The following CSTF3 variants were observed in gnomAD, a reference collection of about 807,000 sequenced individuals.
The protein encoded by CSTF3 is CF-1 77 kDa subunit.
A neutral mutation model predicts 105.8 loss-of-function variants in CSTF3; 29 were observed. That is an observed-to-expected ratio of 0.27 (90% CI 0.20 to 0.37). CSTF3 has a LOEUF of 0.37. Among genes scored for constraint, CSTF3 ranks in the 10% least tolerant of loss-of-function variants. The probability of loss-of-function intolerance (pLI) is 1.00; values close to 1 mark genes in which losing one functional copy is unlikely to be tolerated. For synonymous variants in CSTF3, 252 were observed against 281.9 expected (o/e 0.89, Z 1.06); for missense variants, 357 against 879.3 (o/e 0.41, Z 7.51).
At chr11:33,161,273 G>C in intron 1 of CSTF3, 26 bp downstream of exon 1, 1 of 1,612,656 alleles carries the variant, frequency 6.2e-7, no homozygotes, top group South Asian at 1.1e-5. Flanking sequence ...AGGTCGCCAC[G>C]AGGCCCCACC....
chr11:33,090,708 G>A lies in CSTF3; in HGVS notation c.1465C>T (p.Leu489=), dbSNP rs1855160541. 5.2e-6 allele frequency: 8 copies of A among 1,544,758 alleles called. No individual in the cohort carries two copies. The highest frequency in any genetic ancestry group is 7.0e-6 in the Non-Finnish European group (8 of 1,148,852). ...TCACCAATATTACTTTCAAATGCTA[G>A]AAATCGGGCCCAGATTTCTCTGCAA... ...EKSGEIWARF[L]AFESNIGDLA... is the part of the protein sequence containing the mutation. The change falls in exon 17 of 21, where the codon CTA becomes TTA. Residue 489 remains leucine (L), a synonymous_variant. Transcript: ENST00000323959.
chr11:33,134,079 C>A (rs564049447), intron 3 of CSTF3, among the ~76,000 whole-genome samples: 1 of 151,820 alleles, frequency 6.6e-6, no homozygotes, highest in African/African-American at 2.4e-5. Context: ...TCCTATAGTT[C>A]GGAAAAAAAA....
At chr11:33,113,533 A>G (rs1384375805) in intron 3 of CSTF3, among the ~76,000 whole-genome samples, 1 of 152,152 alleles carries the variant, frequency 6.6e-6, no homozygotes, top group Non-Finnish European at 1.5e-5. Flanking sequence ...CAAACAAACA[A>G]AAAACAAATA....
chr11:33,135,112 T>C (rs375095349), intron 3 of CSTF3, among the ~76,000 whole-genome samples: 2 of 152,196 alleles, frequency 1.3e-5, no homozygotes, highest in East Asian at 1.9e-4. Context: ...TTGGCACTCA[T>C]GTGACTGTCT....
rs556142822 is a variant in CSTF3 at position 33,135,471 on chromosome 11, T to A, written c.225+6196A>T. ...TACCATATGTCCATCCTCTAGAGAT[T>A]GAGTCAGCAGTGCTGGTATGCTAAC... On this transcript the variant is annotated intron_variant, in intron 3 of 20. Transcript: ENST00000323959. 1.2e-4 allele frequency among the ~76,000 whole-genome samples: 18 copies of A among 152,274 alleles called. No individual in the cohort carries two copies. The East Asian group carries it at 2.5e-3, about 21-fold the overall frequency.
chr11:33,131,025 G>C (rs912223750), intron 3 of CSTF3, among the ~76,000 whole-genome samples: 21 of 152,094 alleles, frequency 1.4e-4, no homozygotes, highest in African/African-American at 4.3e-4. Flanking sequence ...GTGAGACCCT[G>C]TCTCAAAAAG....
intron 10 of CSTF3, 125 bp downstream of exon 10, chr11:33,102,052 G>C: frequency 1.5e-6 from 1 of 656,350 alleles, no homozygotes. Context: ...AGATCTATAG[G>C]AATTATTGAA....
intron 8 of CSTF3, among the ~76,000 whole-genome samples, chr11:33,104,226 A>G (rs1855306070): frequency 6.6e-6 from 1 of 152,220 alleles, no homozygotes; most frequent in South Asian, 2.1e-4. Flanking sequence ...GAGTACTCCA[A>G]GGATTCTAAG....
chr11:33,130,605 C>A (rs1358458072), intron 3 of CSTF3, among the ~76,000 whole-genome samples: 2 of 152,160 alleles, frequency 1.3e-5, no homozygotes, highest in African/African-American at 4.8e-5. Flanking sequence ...AAGGCTAATA[C>A]ACTCTACCTA....
chr11:33,090,574 T>C lies in CSTF3; in HGVS notation c.1599A>G (p.Leu533=), dbSNP rs752472166. ...TTAATTCACTTGCAGAGCAAGGATA[T>C]AAATCCATGAACTTGTATCTATCTA... The part of the protein sequence containing the change: ...LLVDRYKFMD[L]YPCSASELKA... Residue 533 remains leucine, a synonymous_variant, in exon 17 of 21, where the codon TTA becomes TTG. Transcript: ENST00000323959. The C allele has an allele frequency of 1.2e-6, 2 of 1,606,952 alleles. No individual in the cohort carries two copies. Among genetic ancestry groups the C allele is most frequent in the African/African-American group, 2.7e-5 (2 of 74,522 alleles).
At chr11:33,120,080 GA>G (rs1855471832) in intron 3 of CSTF3, among the ~76,000 whole-genome samples, 1 of 151,400 alleles carries the variant, frequency 6.6e-6, no homozygotes. Flanking sequence ...TCAATCTAAA[GA>G]AACAATTATG....
At chr11:33,139,956 T>C (rs1855692667) in intron 3 of CSTF3, among the ~76,000 whole-genome samples, 1 of 152,060 alleles carries the variant, frequency 6.6e-6, no homozygotes, top group African/African-American at 2.4e-5. Context: ...AAACCCATTG[T>C]GTTCAGAGTT....
chr11:33,126,869 C>T (rs183123981), intron 3 of CSTF3, among the ~76,000 whole-genome samples: 9 of 152,168 alleles, frequency 5.9e-5, no homozygotes, highest in Admixed American at 5.9e-4. Flanking sequence ...TTATTCAGTA[C>T]ATTAGGTGAT....
rs528723728 is a variant in CSTF3, at chr11:33,130,288, C to G, written c.225+11379G>C. 7.7e-4 allele frequency among the ~76,000 whole-genome samples: 117 copies of G among 152,162 alleles called. 1 individual carries two copies. Among genetic ancestry groups the G allele is most frequent in the African/African-American group, 2.6e-3 (109 of 41,512 alleles). ...AGGAGTTCGAGACCAGCCTGGCCAA[C>G]GTGGTGAAAGCCTGTCTCTACTAAA... is the stretch of plus-strand genomic sequence containing the variant. On this transcript the variant is annotated intron_variant, in intron 3 of 20. Transcript: ENST00000323959.
rs756016615 is a variant in CSTF3, at chr11:33,098,862, T to C, written c.1054-98A>G. 83 of 1,248,630 alleles carry C rather than the reference T, an allele frequency of 6.6e-5. 1 individual carries two copies. Among genetic ancestry groups the C allele is most frequent in the Non-Finnish European group, 9.0e-5 (82 of 907,960 alleles). 77.3% of individuals were successfully genotyped at this position (1,248,630 alleles called of 1,614,324 possible). On this transcript the variant is annotated intron_variant, in intron 12 of 20. Coordinates refer to ENST00000323959, the MANE Select transcript of CSTF3 (RefSeq NM_001326.3). ...AAAGGCTATAACCTCCCACCCCCAA[T>C]GGCATCTCCATTGAGCATAAATATA...
intron 17 of CSTF3, among the ~76,000 whole-genome samples, chr11:33,089,492 T>C (rs900507149): frequency 6.6e-5 from 10 of 152,062 alleles, no homozygotes; most frequent in Non-Finnish European, 1.5e-4. Context: ...TAAGAACCTA[T>C]CAATGATGTT....
At chr11:33,092,394 A>G (rs374330250) in intron 15 of CSTF3, 54 bp from the exon 16 acceptor site, 621 of 1,122,512 alleles carry the variant, frequency 5.5e-4, no homozygotes, top group Non-Finnish European at 7.2e-4. Flanking sequence ...CGATGCAACA[A>G]TATTTTCATA....
At chr11:33,159,997 C>T (rs1389425312) in intron 1 of CSTF3, among the ~76,000 whole-genome samples, 1 of 152,040 alleles carries the variant, frequency 6.6e-6, no homozygotes, top group Non-Finnish European at 1.5e-5. Flanking sequence ...GTCATGGTAA[C>T]ATTTCCGTGT....
At chr11:33,153,619 C>T (rs1590290095) in intron 1 of CSTF3, among the ~76,000 whole-genome samples, 1 of 147,436 alleles carries the variant, frequency 6.8e-6, no homozygotes, top group East Asian at 2.0e-4. Context: ...GCCTGGGCAA[C>T]AGAGCAAGAT....
Sources: gnomAD v4.1 joint callset for allele counts (sites outside exome capture counted in the v4.1 genomes callset) on GRCh38, gnomAD v4.1.1 for gene constraint, MANE v1.5 for transcripts, NCBI Gene and HGNC (gene_info 2026-07-23, HGNC 2026-07-21) for gene names.